Variants in PLCZ1 observed in about 807,000 individuals in gnomAD.
PLCZ1 encodes the protein 1-phosphatidylinositol 4,5-bisphosphate phosphodiesterase zeta-1.
A neutral mutation model predicts 76.8 loss-of-function variants in PLCZ1; 64 were observed. The observed-to-expected ratio is 0.83, with a 90% CI of 0.68 to 1.03. The LOEUF is 1.03. PLCZ1 is among the 50% of genes least tolerant of loss of function. The pLI is 0.00. For synonymous variants in PLCZ1, 248 were observed against 230.8 expected (o/e 1.07, Z -0.68); for missense variants, 751 against 713.7 (o/e 1.05, Z -0.60).
intron 4 of PLCZ1, among the ~76,000 whole-genome samples, chr12:18,720,412 T>C (rs1247342917): frequency 1.3e-5 from 2 of 151,360 alleles, no homozygotes; most frequent in Non-Finnish European, 2.9e-5. Flanking sequence ...TTGTATCTGA[T>C]CATCTTTAGT....
At chr12:18,717,004 G>A (rs528016859) in intron 5 of PLCZ1, among the ~76,000 whole-genome samples, 30 of 152,188 alleles carry the variant, frequency 2.0e-4, no homozygotes, top group Middle Eastern at 6.9e-3. Flanking sequence ...ATGAGCACTA[G>A]AAACTTAAAC....
chr12:18,657,846 A>T, the PLCZ1 span, among the ~76,000 whole-genome samples: 2 of 152,154 alleles, frequency 1.3e-5, no homozygotes, highest in Non-Finnish European at 2.9e-5. Flanking sequence ...AATAGAAATT[A>T]TCCCTAAGGA....
chr12:18,717,128 A>G lies in PLCZ1; in HGVS notation c.569+2303T>C, dbSNP rs531977320. Among the ~76,000 whole-genome samples, 25 of 152,286 alleles carry G rather than the reference A, an allele frequency of 1.6e-4. No homozygotes were observed. In the South Asian group the frequency reaches 4.8e-3, roughly 29 times the overall value. ...GGATAAAGAAACAGAGAAAAGTACAATTAAATTTAAGTGTAAATTTGCAGT... is the reference window on the plus strand; with the variant it reads ...GGATAAAGAAACAGAGAAAAGTACAGTTAAATTTAAGTGTAAATTTGCAGT... On this transcript the variant is annotated intron_variant, in intron 5 of 14. Coordinates refer to ENST00000266505, the MANE Select transcript of PLCZ1 (RefSeq NM_033123.4).
At chr12:18,733,772 A>G (rs1447169091) in intron 3 of PLCZ1, among the ~76,000 whole-genome samples, 1 of 152,116 alleles carries the variant, frequency 6.6e-6, no homozygotes, top group Non-Finnish European at 1.5e-5. Context: ...TCAGTTGACT[A>G]TATATGAAGG....
At chr12:18,711,326 T>C (rs1196216497) in intron 6 of PLCZ1, among the ~76,000 whole-genome samples, 1 of 131,186 alleles carries the variant, frequency 7.6e-6, no homozygotes, top group Non-Finnish European at 1.5e-5. Context: ...TAGGTGGGAA[T>C]TGAACAATGA....
At chr12:18,677,428 G>A in the PLCZ1 span, among the ~76,000 whole-genome samples, 1 of 152,096 alleles carries the variant, frequency 6.6e-6, no homozygotes, top group Non-Finnish European at 1.5e-5. Context: ...ATCTGAGCAT[G>A]CATCTGAATC....
intron 12 of PLCZ1, among the ~76,000 whole-genome samples, chr12:18,694,680 T>A (rs1222607742): frequency 6.6e-6 from 1 of 152,146 alleles, no homozygotes; most frequent in African/African-American, 2.4e-5. Context: ...GAGAAGGTTT[T>A]AGCCTCAATA....
At chr12:18,709,535 T>TA (rs1016598648) in intron 6 of PLCZ1, among the ~76,000 whole-genome samples, 7 of 151,906 alleles carry the variant, frequency 4.6e-5, no homozygotes, top group African/African-American at 1.7e-4. Context: ...TTAGGACTTT[T>TA]TTTTTATTTC....
intron 3 of PLCZ1, among the ~76,000 whole-genome samples, chr12:18,727,327 G>A (rs1185071409): frequency 6.6e-6 from 1 of 152,068 alleles, no homozygotes; most frequent in Non-Finnish European, 1.5e-5. Context: ...TGGCCTGGGT[G>A]ACAGAGCAAG....
At chr12:18,693,741 G>C in intron 12 of PLCZ1, 1 of 1,532,072 alleles carries the variant, frequency 6.5e-7, no homozygotes. Flanking sequence ...TTTGATTCTA[G>C]GGTAGATGTG....
the PLCZ1 span, among the ~76,000 whole-genome samples, chr12:18,676,035 G>GA: frequency 6.6e-6 from 1 of 151,754 alleles, no homozygotes; most frequent in South Asian, 2.1e-4. Flanking sequence ...TGAAAGAAAG[G>GA]AAAAAAAATT....
chr12:18,667,101 A>G, the PLCZ1 span, among the ~76,000 whole-genome samples: 81,389 of 151,914 alleles, frequency 0.54, 22,683 homozygotes, highest in South Asian at 0.67. Context: ...CTAGGCTTAA[A>G]TGGAGAATGA....
chr12:18,646,936 C>A, the PLCZ1 span, among the ~76,000 whole-genome samples: 1 of 151,424 alleles, frequency 6.6e-6, no homozygotes, highest in Admixed American at 6.6e-5. Flanking sequence ...AAAAAAAGAA[C>A]AAGACGTGAA....
At chr12:18,657,310 C>T in the PLCZ1 span, among the ~76,000 whole-genome samples, 612 of 152,176 alleles carry the variant, frequency 4.0e-3, 1 homozygote, top group African/African-American at 0.014. Flanking sequence ...CCACAAATAC[C>T]TGGGATTTAG....
chr12:18,653,606 G>A, the PLCZ1 span, among the ~76,000 whole-genome samples: 8 of 152,036 alleles, frequency 5.3e-5, no homozygotes, highest in African/African-American at 1.9e-4. Flanking sequence ...ATTTTGAAGT[G>A]GTTTTAGGGT....
the PLCZ1 span, among the ~76,000 whole-genome samples, chr12:18,651,475 C>G: frequency 6.6e-6 from 1 of 152,160 alleles, no homozygotes; most frequent in Non-Finnish European, 1.5e-5. Flanking sequence ...TCTCCCTTCA[C>G]TAGGCAATTA....
At chr12:18,715,989 C>G (rs1246885998) in intron 5 of PLCZ1, among the ~76,000 whole-genome samples, 2 of 152,054 alleles carry the variant, frequency 1.3e-5, no homozygotes, top group Non-Finnish European at 2.9e-5. Flanking sequence ...GCAAATAAGG[C>G]AGAAGTTCTA....
downstream of PLCZ1, among the ~76,000 whole-genome samples, chr12:18,681,953 G>A (rs1012616600): frequency 6.6e-5 from 10 of 152,026 alleles, no homozygotes; most frequent in Non-Finnish European, 1.5e-4. Flanking sequence ...GAAGGGTAAA[G>A]CGTTGGGTCA....
chr12:18,721,997 A>T (rs999029263), intron 4 of PLCZ1, among the ~76,000 whole-genome samples: 2 of 151,952 alleles, frequency 1.3e-5, no homozygotes, highest in Non-Finnish European at 2.9e-5. Flanking sequence ...TCTCTCTCTC[A>T]TTCTCAAAGT....
Sources: allele counts gnomAD v4.1 joint callset (sites outside exome capture counted in the v4.1 genomes callset), GRCh38; gene constraint gnomAD v4.1.1; transcripts MANE v1.5; gene names NCBI Gene and HGNC (gene_info 2026-07-23, HGNC 2026-07-21).